The following CPSF3 variants were observed in gnomAD, a reference collection of about 807,000 sequenced individuals.
CPSF3 encodes the protein cleavage and polyadenylation specificity factor subunit 3.
A neutral mutation model predicts 84.1 loss-of-function variants in CPSF3; 57 were observed. The ratio of observed to expected loss-of-function variants is 0.68; its 90% CI spans 0.55 to 0.85. CPSF3 has a LOEUF of 0.85. Ranked by LOEUF, CPSF3 falls within the 40% of genes least tolerant of loss-of-function variation. The pLI, the probability that CPSF3 is intolerant of heterozygous loss-of-function variation, is 0.00. For synonymous variants in CPSF3, 275 were observed against 278.1 expected (o/e 0.99, Z 0.11); for missense variants, 522 against 838.8 (o/e 0.62, Z 4.66).
intron 10 of CPSF3, among the ~76,000 whole-genome samples, chr2:9,446,216 G>A (rs906193899): frequency 6.6e-6 from 1 of 152,110 alleles, no homozygotes; most frequent in Non-Finnish European, 1.5e-5. Flanking sequence ...AGGCCGATGT[G>A]GGTGGATCAC....
At chr2:9,437,216 C>A (rs1028709488) in intron 7 of CPSF3, among the ~76,000 whole-genome samples, 5 of 152,066 alleles carry the variant, frequency 3.3e-5, no homozygotes, top group Non-Finnish European at 7.4e-5. Flanking sequence ...CCAGCCTGGC[C>A]ATCATGGTGA....
chr2:9,469,068 C>T (rs1401026846), intron 16 of CPSF3, among the ~76,000 whole-genome samples: 1 of 152,146 alleles, frequency 6.6e-6, no homozygotes, highest in Non-Finnish European at 1.5e-5. Context: ...CATACAAAAC[C>T]AGCCAACAGT....
chr2:9,431,740 G>T (rs367761499), intron 4 of CPSF3, among the ~76,000 whole-genome samples: 1 of 151,410 alleles, frequency 6.6e-6, no homozygotes, highest in African/African-American at 2.4e-5. Context: ...TAGTAGAGAC[G>T]GGGTTTTACC....
At chr2:9,467,805 A>G in intron 16 of CPSF3, 29 bp downstream of exon 16, 1 of 1,580,434 alleles carries the variant, frequency 6.3e-7, no homozygotes, top group South Asian at 1.1e-5. Flanking sequence ...ATTTCTCAAC[A>G]AGACAGTGAC....
Position 9,429,940 on chromosome 2 carries a change from C to A in CPSF3, c.132C>A (p.His44Gln). 1 of 1,599,892 alleles carries A rather than the reference C, an allele frequency of 6.3e-7. No homozygotes were observed. Among genetic ancestry groups the A allele is most frequent in the Non-Finnish European group, 8.5e-7 (1 of 1,174,608 alleles). Residue 44 changes from histidine to glutamine, a missense_variant, in exon 3 of 18, where the codon CAC (histidine) becomes CAA (glutamine). His to Gln is a conservative substitution (Grantham distance 24, BLOSUM62 0). Coordinates refer to ENST00000238112, the MANE Select transcript of CPSF3 (RefSeq NM_016207.4). ...GRKIMLDCGI[H>Q]PGLEGMDALP... ...TCTTTCAGCTCGACTGTGGGATCCACCCTGGCCTAGAAGGAATGGATGCTC... is the reference window on the plus strand; with the variant it reads ...TCTTTCAGCTCGACTGTGGGATCCAACCTGGCCTAGAAGGAATGGATGCTC...
intron 11 of CPSF3, among the ~76,000 whole-genome samples, chr2:9,450,082 G>A (rs1364769619): frequency 2.6e-5 from 4 of 151,074 alleles, no homozygotes; most frequent in East Asian, 3.9e-4. Context: ...CTGCAGCCTC[G>A]ACCTCCCTAG....
At chr2:9,457,956 A>G (rs1399242817) in intron 14 of CPSF3, among the ~76,000 whole-genome samples, 1 of 152,094 alleles carries the variant, frequency 6.6e-6, no homozygotes, top group Non-Finnish European at 1.5e-5. Flanking sequence ...GGGTTTCACC[A>G]CATTGGCCAG....
At chr2:9,444,158 A>ATATATATAT (rs1216393477) in intron 10 of CPSF3, among the ~76,000 whole-genome samples, 1 of 123,178 alleles carries the variant, frequency 8.1e-6, no homozygotes, top group Non-Finnish European at 1.6e-5. Flanking sequence ...ATATATATAT[A>ATATATATAT]TTTTTTTTTT....
intron 1 of CPSF3, among the ~76,000 whole-genome samples, chr2:9,427,170 CAGA>C (rs1268928824): frequency 6.6e-6 from 1 of 152,122 alleles, no homozygotes; most frequent in East Asian, 1.9e-4. Flanking sequence ...TTGAGTTCCT[CAGA>C]AGGAGGGAGG....
intron 13 of CPSF3, 127 bp downstream of exon 13, chr2:9,455,884 G>T: frequency 1.6e-6 from 1 of 624,864 alleles, no homozygotes. Context: ...ATAAATATGT[G>T]TGATCATGTT....
chr2:9,435,428 CTTTTTT>C (rs551125193), intron 6 of CPSF3, among the ~76,000 whole-genome samples: 1 of 140,904 alleles, frequency 7.1e-6, no homozygotes, highest in Non-Finnish European at 1.6e-5. Flanking sequence ...TTCTAGCATT[CTTTTTT>C]TTTTTTTTTG....
At chr2:9,438,271 C>T (rs1239493528) in intron 7 of CPSF3, among the ~76,000 whole-genome samples, 1 of 152,152 alleles carries the variant, frequency 6.6e-6, no homozygotes, top group Non-Finnish European at 1.5e-5. Context: ...TTGATTGGTC[C>T]TCCTTCCTAA....
chr2:9,446,692 G>A (rs1158897701), intron 10 of CPSF3, among the ~76,000 whole-genome samples: 2 of 152,038 alleles, frequency 1.3e-5, no homozygotes, highest in Non-Finnish European at 2.9e-5. Flanking sequence ...TCGAGGCAGA[G>A]GCTGCAGTGA....
intron 4 of CPSF3, 37 bp from the exon 5 acceptor site, chr2:9,432,474 C>T (rs1680625343): frequency 2.1e-6 from 3 of 1,396,296 alleles, no homozygotes; most frequent in Non-Finnish European, 2.8e-6. Context: ...AAAAATCTGA[C>T]TCTTAATTGT....
chr2:9,428,716 G>C (rs1297329360), intron 1 of CPSF3, 49 bp from the exon 2 acceptor site: 1 of 1,313,016 alleles, frequency 7.6e-7, no homozygotes, highest in East Asian at 2.3e-5. Flanking sequence ...TATTGGACTT[G>C]GTTTTGATTT....
At position 9,438,054 on chromosome 2, in the gene CPSF3, G is replaced by A. The variant is rs147352894; in HGVS notation, c.760+1693G>A. ...CTTTGCATGAGTGTCACCTCTGTGC[G>A]AAGCACTAGAAACACTTGCATCTTA... is the stretch of plus-strand genomic sequence containing the variant. On this transcript the variant is annotated intron_variant, in intron 7 of 17. Transcript: ENST00000238112. Among the ~76,000 whole-genome samples the A allele has an allele frequency of 3.0e-3, 454 of 152,354 alleles. 2 individuals are homozygous for A. The highest frequency in any genetic ancestry group is 6.8e-3 in the Middle Eastern group (2 of 294).
chr2:9,459,708 G>A, intron 15 of CPSF3, 90 bp downstream of exon 15: 1 of 608,938 alleles, frequency 1.6e-6, no homozygotes, highest in Non-Finnish European at 2.6e-6. Context: ...GGAGTGCAGT[G>A]GCACGATCTC....
At chr2:9,465,570 C>T (rs534463844) in intron 15 of CPSF3, among the ~76,000 whole-genome samples, 17 of 151,958 alleles carry the variant, frequency 1.1e-4, no homozygotes, top group African/African-American at 3.1e-4. Flanking sequence ...CACACGCGCG[C>T]GCGTTTATAT....
chr2:9,451,995 C>T (rs1039925198), intron 11 of CPSF3, among the ~76,000 whole-genome samples: 7 of 152,058 alleles, frequency 4.6e-5, no homozygotes, highest in African/African-American at 1.7e-4. Context: ...GGATTATGGG[C>T]GTGAGCCACC....
Sources: gnomAD v4.1 joint callset for allele counts (sites outside exome capture counted in the v4.1 genomes callset) on GRCh38, gnomAD v4.1.1 for gene constraint, MANE v1.5 for transcripts, NCBI Gene and HGNC (gene_info 2026-07-23, HGNC 2026-07-21) for gene names.